ROBO2: variants seen among roughly 807,000 people sequenced by gnomAD.
ROBO2 encodes roundabout guidance receptor 2.
ROBO2 carries 53 observed loss-of-function variants against 160.8 expected under a neutral mutation model. That is an observed-to-expected ratio of 0.33 (90% CI 0.26 to 0.41). ROBO2 has a LOEUF of 0.41. Ranked by LOEUF, ROBO2 falls within the 10% of genes least tolerant of loss-of-function variation. The probability of loss-of-function intolerance (pLI) is 1.00; values close to 1 mark genes in which losing one functional copy is unlikely to be tolerated. For missense variants in ROBO2, 1,577 were observed against 1,722.4 expected, an observed-to-expected ratio of 0.92 and a Z score of 1.49; for synonymous variants, 664 against 611.7, an observed-to-expected ratio of 1.09 and a Z score of -1.26.
At chr3:76,714,359 G>A (rs138388950) in intron 2 of ROBO2, among the ~76,000 whole-genome samples, 7 of 152,206 alleles carry the variant, frequency 4.6e-5, no homozygotes, top group East Asian at 3.9e-4. Context: ...AGGCGTGGAC[G>A]GGTGGGATCT....
At chr3:76,755,527 T>C (rs768940915) in intron 2 of ROBO2, among the ~76,000 whole-genome samples, 32 of 151,856 alleles carry the variant, frequency 2.1e-4, no homozygotes, top group Non-Finnish European at 1.2e-4. Flanking sequence ...GTTTTAAAAC[T>C]AGCTAACCTT....
intron 1 of ROBO2, among the ~76,000 whole-genome samples, chr3:77,095,726 AC>A (rs763318514): frequency 2.6e-5 from 4 of 152,132 alleles, no homozygotes; most frequent in African/African-American, 4.8e-5. Context: ...CTGATTTGCA[AC>A]CTACTTCTAT....
At chr3:77,291,644 G>C (rs2061280098) in intron 2 of ROBO2, among the ~76,000 whole-genome samples, 1 of 150,754 alleles carries the variant, frequency 6.6e-6, no homozygotes, top group Admixed American at 6.6e-5. Flanking sequence ...GCTGAGGCTA[G>C]ATCACCCCAG....
At chr3:77,016,121 C>T (rs1057064520) in intron 2 of ROBO2, among the ~76,000 whole-genome samples, 4 of 152,020 alleles carry the variant, frequency 2.6e-5, no homozygotes, top group Admixed American at 6.6e-5. Flanking sequence ...GGACTACAGG[C>T]GCCCGCCACC....
chr3:75,969,370 T>C (rs1323124479), intron 2 of ROBO2, among the ~76,000 whole-genome samples: 1 of 151,336 alleles, frequency 6.6e-6, no homozygotes, highest in African/African-American at 2.4e-5. Context: ...TATACTGCAA[T>C]AAACACGGGA....
chr3:77,100,629 G>A (rs745965873), intron 2 of ROBO2, among the ~76,000 whole-genome samples: 8 of 151,816 alleles, frequency 5.3e-5, no homozygotes, highest in Non-Finnish European at 1.0e-4. Flanking sequence ...AATAGAAGGC[G>A]GATATCCACT....
intron 2 of ROBO2, among the ~76,000 whole-genome samples, chr3:77,340,600 G>C (rs1294833307): frequency 6.6e-6 from 1 of 151,978 alleles, no homozygotes; most frequent in East Asian, 1.9e-4. Context: ...TCATTAGTTG[G>C]CACAGGAAAC....
chr3:76,144,757 T>A (rs1486515561), intron 2 of ROBO2, among the ~76,000 whole-genome samples: 3 of 152,148 alleles, frequency 2.0e-5, no homozygotes, highest in East Asian at 1.9e-4. Context: ...ATGGATGAAC[T>A]TCAGCTGGGT....
intron 2 of ROBO2, among the ~76,000 whole-genome samples, chr3:76,880,281 C>A (rs2073200013): frequency 6.6e-6 from 1 of 151,986 alleles, no homozygotes; most frequent in Admixed American, 6.6e-5. Flanking sequence ...AACAGTGGGA[C>A]CTAATTGAAT....
At chr3:77,490,966 C>T (rs1028893615) in intron 4 of ROBO2, among the ~76,000 whole-genome samples, 2 of 152,212 alleles carry the variant, frequency 1.3e-5, no homozygotes, top group East Asian at 1.9e-4. Context: ...CATACCAACA[C>T]GACCTTTTTC....
intron 2 of ROBO2, among the ~76,000 whole-genome samples, chr3:76,332,021 G>A (rs1276274141): frequency 6.6e-6 from 1 of 152,104 alleles, no homozygotes; most frequent in Admixed American, 6.6e-5. Context: ...AAGATTTGTT[G>A]TCATGTGTGT....
chr3:76,992,067 A>C (rs1352180894), intron 2 of ROBO2, among the ~76,000 whole-genome samples: 1 of 152,094 alleles, frequency 6.6e-6, no homozygotes, highest in African/African-American at 2.4e-5. Flanking sequence ...TATGCCACCC[A>C]GAACATAGAC....
chr3:76,463,525 G>A (rs1250400432), intron 2 of ROBO2, among the ~76,000 whole-genome samples: 1 of 151,948 alleles, frequency 6.6e-6, no homozygotes, highest in Non-Finnish European at 1.5e-5. Context: ...TCACTTTTGG[G>A]GAAATTAGGG....
rs539027427 is a variant in ROBO2, at chr3:76,453,799, A to G, written c.109+516197A>G. On this transcript the variant is annotated intron_variant, in intron 2 of 26. Coordinates refer to the ROBO2 transcript ENST00000487694. ...TAAAAAAATGAATCTGTATTTTGTG[A>G]TATATGATTTAGTAGTTACTATTTG... 2.8e-4 allele frequency among the ~76,000 whole-genome samples: 43 copies of G among 152,300 alleles called. 1 individual carries two copies. The highest frequency in any genetic ancestry group is 2.5e-3 in the Admixed American group (38 of 15,278).
At chr3:77,385,027 T>C (rs1249394268) in intron 2 of ROBO2, among the ~76,000 whole-genome samples, 3 of 152,198 alleles carry the variant, frequency 2.0e-5, no homozygotes, top group African/African-American at 7.2e-5. Context: ...TTGTTTGTTT[T>C]GTTTTTGTTT....
intron 2 of ROBO2, among the ~76,000 whole-genome samples, chr3:76,532,851 GGGGTC>G (rs2082301145): frequency 6.6e-6 from 1 of 152,128 alleles, no homozygotes; most frequent in African/African-American, 2.4e-5. Context: ...TGAGAAGAGT[GGGGTC>G]ACGTTTTATA....
chr3:76,253,182 T>C (rs1706144323), intron 2 of ROBO2, among the ~76,000 whole-genome samples: 1 of 152,104 alleles, frequency 6.6e-6, no homozygotes, highest in Non-Finnish European at 1.5e-5. Flanking sequence ...TTATTAGAAA[T>C]GTGTATCAAT....
At chr3:76,048,220 T>C (rs935197591) in intron 2 of ROBO2, among the ~76,000 whole-genome samples, 1 of 152,210 alleles carries the variant, frequency 6.6e-6, no homozygotes, top group African/African-American at 2.4e-5. Context: ...CATTCACATC[T>C]CTTAACCTAT....
At chr3:76,409,442 T>C (rs2108820082) in intron 2 of ROBO2, among the ~76,000 whole-genome samples, 1 of 152,236 alleles carries the variant, frequency 6.6e-6, no homozygotes, top group South Asian at 2.1e-4. Flanking sequence ...AATGGCTCCC[T>C]CATAATCAGC....
Sources: allele counts gnomAD v4.1 joint callset (sites outside exome capture counted in the v4.1 genomes callset), GRCh38; gene constraint gnomAD v4.1.1; transcripts MANE v1.5; gene names NCBI Gene and HGNC (gene_info 2026-07-23, HGNC 2026-07-21).